Variants in PDZD2 observed in about 807,000 individuals in gnomAD.
PDZD2 encodes PDZ domain containing 2, also known as PDZ domain-containing protein 2.
A neutral mutation model predicts 220.7 loss-of-function variants in PDZD2; 90 were observed. The ratio of observed to expected loss-of-function variants is 0.41; its 90% CI spans 0.34 to 0.49. PDZD2 has a LOEUF of 0.49. Ranked by LOEUF, PDZD2 falls within the 20% of genes least tolerant of loss-of-function variation. The probability of loss-of-function intolerance (pLI) is 0.28; values close to 1 mark genes in which losing one functional copy is unlikely to be tolerated. For synonymous variants in PDZD2, 1,375 were observed against 1,450.5 expected (o/e 0.95, Z 1.18); for missense variants, 3,174 against 3,608.5 (o/e 0.88, Z 3.08).
intron 1 of PDZD2, among the ~76,000 whole-genome samples, chr5:31,698,183 C>T (rs946003036): frequency 6.0e-5 from 9 of 149,972 alleles, no homozygotes; most frequent in East Asian, 2.0e-4. Flanking sequence ...AGATTACAGG[C>T]GTGAGCCACC....
intron 1 of PDZD2, among the ~76,000 whole-genome samples, chr5:31,740,245 G>C (rs919773760): frequency 1.3e-5 from 2 of 151,994 alleles, no homozygotes; most frequent in Non-Finnish European, 2.9e-5. Context: ...TGTTGGCTGG[G>C]TGCGGTGGCT....
intron 2 of PDZD2, among the ~76,000 whole-genome samples, chr5:31,938,940 GTC>G (rs1745993240): frequency 6.6e-6 from 1 of 152,178 alleles, no homozygotes; most frequent in Non-Finnish European, 1.5e-5. Flanking sequence ...GTAGCTTTTT[GTC>G]CATTGCAGAA....
At chr5:31,961,683 C>T (rs1347413925) in intron 2 of PDZD2, among the ~76,000 whole-genome samples, 3 of 152,144 alleles carry the variant, frequency 2.0e-5, no homozygotes, top group African/African-American at 7.2e-5. Context: ...CTTGCTCTGT[C>T]GCCCAGGCTG....
chr5:31,750,191 G>A (rs1349720010), intron 1 of PDZD2, among the ~76,000 whole-genome samples: 4 of 152,058 alleles, frequency 2.6e-5, no homozygotes, highest in Non-Finnish European at 4.4e-5. Context: ...CAAATCCTAC[G>A]CTTCCAGTCA....
At chr5:32,006,703 T>C (rs1017599573) in intron 5 of PDZD2, among the ~76,000 whole-genome samples, 6 of 139,818 alleles carry the variant, frequency 4.3e-5, no homozygotes, top group South Asian at 4.7e-4. Flanking sequence ...TTTTTTTTTT[T>C]TCCTGAGACA....
intron 1 of PDZD2, among the ~76,000 whole-genome samples, chr5:31,734,563 C>T (rs986456574): frequency 2.4e-4 from 36 of 152,146 alleles, no homozygotes; most frequent in African/African-American, 8.7e-4. Flanking sequence ...AGGTGATCCA[C>T]CCACCTCAGC....
chr5:31,953,728 C>T (rs1169809384), intron 2 of PDZD2, among the ~76,000 whole-genome samples: 1 of 151,364 alleles, frequency 6.6e-6, no homozygotes, highest in African/African-American at 2.4e-5. Context: ...AATCTCGGCT[C>T]ACCGCAACCT....
intron 2 of PDZD2, among the ~76,000 whole-genome samples, chr5:31,839,252 G>C (rs564308889): frequency 6.6e-6 from 1 of 152,284 alleles, no homozygotes; most frequent in Admixed American, 6.5e-5. Context: ...CCTTGAAGAA[G>C]ACTTCGGAGT....
intron 2 of PDZD2, among the ~76,000 whole-genome samples, chr5:31,929,932 T>C (rs1745107428): frequency 6.6e-6 from 1 of 152,098 alleles, no homozygotes; most frequent in Admixed American, 6.6e-5. Context: ...ATGGCTGAGC[T>C]CCAACCCTTT....
At chr5:31,709,499 TAAAAGGTGAGAG>T (rs11274247) in intron 1 of PDZD2, among the ~76,000 whole-genome samples, 79,399 of 150,026 alleles carry the variant, frequency 0.53, 21,276 homozygotes, top group African/African-American at 0.62. Context: ...AAAAATAAAA[TAAAAGGTGAGAG>T]AAAAGGTGAG....
chr5:31,922,184 T>A (rs1351019541), intron 2 of PDZD2, among the ~76,000 whole-genome samples: 2 of 152,234 alleles, frequency 1.3e-5, no homozygotes, highest in African/African-American at 4.8e-5. Flanking sequence ...TCCTTGCCAA[T>A]GTTTCGGAAA....
At chr5:31,840,995 C>T (rs532137563) in intron 2 of PDZD2, 23 of 377,910 alleles carry the variant, frequency 6.1e-5, no homozygotes, top group Non-Finnish European at 9.5e-5. Context: ...TGGAGGATGG[C>T]GGTTCCACTC....
At chr5:31,883,970 T>C (rs1740186432) in intron 2 of PDZD2, among the ~76,000 whole-genome samples, 1 of 152,160 alleles carries the variant, frequency 6.6e-6, no homozygotes, top group Non-Finnish European at 1.5e-5. Context: ...CCCAGCACTT[T>C]GGGAGGCCGA....
rs974531340 is a variant in PDZD2 at position 31,917,935 on chromosome 5, C to T, written c.477-65220C>T. Among the ~76,000 whole-genome samples the T allele has an allele frequency of 2.6e-5, 4 of 152,242 alleles. No individual in the cohort carries two copies. In the East Asian group the frequency reaches 5.8e-4, roughly 22 times the overall value. The stretch of plus-strand genomic sequence containing the variant: ...TGTATTTTTAGTAGAGATGGAGTTT[C>T]ACCAAGTTGGCCAGGCTGGTCTCAA... On this transcript the variant is annotated intron_variant, in intron 2 of 24. Coordinates refer to ENST00000438447, the MANE Select transcript of PDZD2 (RefSeq NM_178140.4).
intron 1 of PDZD2, among the ~76,000 whole-genome samples, chr5:31,735,645 C>T (rs995221699): frequency 4.6e-5 from 7 of 151,962 alleles, no homozygotes; most frequent in African/African-American, 1.4e-4. Context: ...ACTAAAAATA[C>T]AAAAATTAGC....
intron 1 of PDZD2, among the ~76,000 whole-genome samples, chr5:31,746,538 G>A (rs1750614373): frequency 6.6e-6 from 1 of 152,154 alleles, no homozygotes; most frequent in South Asian, 2.1e-4. Flanking sequence ...ATGTTACAAA[G>A]GGCACGGTGA....
At chr5:31,895,835 T>C (rs36056597) in intron 2 of PDZD2, among the ~76,000 whole-genome samples, 36,860 of 152,114 alleles carry the variant, frequency 0.24, 5,822 homozygotes, top group Non-Finnish European at 0.35. Context: ...GCGTAGCCTT[T>C]TCCCCACCCT....
rs1318217787 is a variant in PDZD2, at chr5:32,098,347, T to C, written c.7948-17T>C. 6.2e-7 allele frequency: 1 copy of C among 1,610,056 alleles called. No homozygotes were observed. Among genetic ancestry groups the C allele is most frequent in the Non-Finnish European group, 8.5e-7 (1 of 1,177,896 alleles). On this transcript the variant is annotated splice_polypyrimidine_tract_variant and intron_variant, in intron 22 of 24. Transcript: ENST00000438447. This position sits in a 1 kb window ranked among gnomAD's most constrained non-coding sequence, Gnocchi z 4.1. ...AGTGGATCTGGTTTTTGTTCCCTTTTCCTTTCCTCATCCCAGGTCCACAGG... is the reference window on the plus strand; with the variant it reads ...AGTGGATCTGGTTTTTGTTCCCTTTCCCTTTCCTCATCCCAGGTCCACAGG...
In PDZD2 at chr5:32,108,016, C is replaced by G; in HGVS notation, c.8401C>G (p.Leu2801Val). The part of the protein sequence containing the change: ...AGIIEAGDEI[L>V]AINGKPLVGL... ...AATAATAGAAGCTGGAGATGAAATT[C>G]TTGCTATTAATGGGAAACCTCTGGT... Residue 2801 changes from leucine (L) to valine (V), a missense_variant, in exon 25 of 25, where the codon CTT (leucine) becomes GTT (valine). Leu to Val is a conservative substitution (Grantham distance 32). This residue lies in a region of PDZD2 where 631 missense variants were observed against 789.9 expected (regional missense o/e 0.80). Transcript: ENST00000438447. 1 of 1,612,836 alleles carries G rather than the reference C, an allele frequency of 6.2e-7. No homozygotes were observed. The highest frequency in any genetic ancestry group is 8.5e-7 in the Non-Finnish European group (1 of 1,178,952).
Sources: gnomAD v4.1 joint callset for allele counts (sites outside exome capture counted in the v4.1 genomes callset) on GRCh38, gnomAD v4.1.1 for gene constraint, gnomAD v4.1.1 regional missense constraint, Gnocchi (gnomAD v3.1) non-coding constraint, MANE v1.5 for transcripts, NCBI Gene and HGNC (gene_info 2026-07-23, HGNC 2026-07-21) for gene names.